MALRD1: variants seen among roughly 807,000 people sequenced by gnomAD.
MALRD1 encodes MAM and LDL receptor class A domain containing 1, also known as MAM and LDL-receptor class A domain-containing protein 1.
In MALRD1, 247 loss-of-function variants were observed where a neutral mutation model predicts 242.1. That is an observed-to-expected ratio of 1.02 (90% CI 0.92 to 1.13). The LOEUF (loss-of-function observed/expected upper bound fraction) is 1.13, where lower values mean the gene tolerates loss of function less well. Ranked by LOEUF, MALRD1 falls within the 50% of genes most tolerant of loss-of-function variation. The pLI is 0.00. For synonymous variants in MALRD1, 995 were observed against 866.6 expected (o/e 1.15, Z -2.60); for missense variants, 2,989 against 2,533.1 (o/e 1.18, Z -3.86).
At chr10:19,157,530 A>G in intron 12 of MALRD1, among the ~76,000 whole-genome samples, 1 of 152,072 alleles carries the variant, frequency 6.6e-6, no homozygotes, top group Non-Finnish European at 1.5e-5. Context: ...TACAGGCGTG[A>G]GCCACCGCAC....
chr10:19,238,582 T>TTA (rs1214863185), intron 18 of MALRD1, among the ~76,000 whole-genome samples: 22 of 78,490 alleles, frequency 2.8e-4, no homozygotes, highest in East Asian at 9.6e-4. Flanking sequence ...ATAATGTATA[T>TTA]TATATATATA....
chr10:19,272,724 T>G (rs1185749990), intron 19 of MALRD1, among the ~76,000 whole-genome samples: 1 of 152,052 alleles, frequency 6.6e-6, no homozygotes, highest in East Asian at 1.9e-4. Context: ...AATATTCCCC[T>G]CCTTGTGTCC....
intron 36 of MALRD1, among the ~76,000 whole-genome samples, chr10:19,649,659 T>C (rs192138045): frequency 6.6e-6 from 1 of 152,296 alleles, no homozygotes; most frequent in Admixed American, 6.5e-5. Context: ...TTTGCAAATA[T>C]TTTCTCCCAT....
intron 21 of MALRD1, among the ~76,000 whole-genome samples, chr10:19,302,429 G>A (rs1486558730): frequency 2.0e-5 from 3 of 151,756 alleles, no homozygotes; most frequent in African/African-American, 4.8e-5. Flanking sequence ...TGTTATATCC[G>A]TATAAGGAAA....
intron 28 of MALRD1, among the ~76,000 whole-genome samples, chr10:19,400,734 G>A (rs1846800067): frequency 6.6e-6 from 1 of 152,132 alleles, no homozygotes; most frequent in East Asian, 1.9e-4. Flanking sequence ...AGAAGAAAGA[G>A]GCCAGGTGTG....
At chr10:19,368,955 A>G (rs1465208925) in intron 26 of MALRD1, among the ~76,000 whole-genome samples, 2 of 148,780 alleles carry the variant, frequency 1.3e-5, no homozygotes, top group Non-Finnish European at 3.0e-5. Flanking sequence ...TAAATAATAT[A>G]TCAGTAATAT....
chr10:19,427,197 A>G (rs1417223498), intron 28 of MALRD1, among the ~76,000 whole-genome samples: 1 of 152,132 alleles, frequency 6.6e-6, no homozygotes, highest in Non-Finnish European at 1.5e-5. Context: ...TTCTTTGTAA[A>G]TGTCTTACCA....
chr10:19,047,063 C>T (rs777666834), upstream of MALRD1, among the ~76,000 whole-genome samples: 1 of 152,114 alleles, frequency 6.6e-6, no homozygotes, highest in Middle Eastern at 3.2e-3. Context: ...TGGATTTGTG[C>T]TTTAGAATGA....
At chr10:19,111,537 C>T (rs910775125) in intron 5 of MALRD1, among the ~76,000 whole-genome samples, 7 of 152,170 alleles carry the variant, frequency 4.6e-5, no homozygotes, top group African/African-American at 7.2e-5. Context: ...AGTAGACCTA[C>T]ACGTATGACA....
chr10:19,450,412 A>C lies in MALRD1; in HGVS notation c.4951A>C (p.Ile1651Leu). ...AGGAAAGTTAAGGAATTTTGAAGTC[A>C]TATTTCAAGGTATCAGAACAAGGGA... ...LLGKLRNFEV[I>L]FQGIRTRDLG... The change falls in exon 29 of 40, where the codon ATA (isoleucine) becomes CTA (leucine). Residue 1651 changes from isoleucine (I) to leucine (L), a missense_variant. Coordinates refer to ENST00000454679, the MANE Select transcript of MALRD1 (RefSeq NM_001142308.3). 1 of 1,550,586 alleles carries C rather than the reference A, an allele frequency of 6.4e-7. No individual in the cohort carries two copies. Among genetic ancestry groups the C allele is most frequent in the Non-Finnish European group, 8.7e-7 (1 of 1,146,960 alleles).
chr10:19,303,138 TA>T (rs1158866768), intron 21 of MALRD1, among the ~76,000 whole-genome samples: 6 of 151,488 alleles, frequency 4.0e-5, no homozygotes, highest in Non-Finnish European at 5.9e-5. Context: ...GTATGGTACT[TA>T]AAAAATAAAC....
In MALRD1 at chr10:19,418,274, C is replaced by A. The variant is rs577786937; in HGVS notation, c.4845+28665C>A. Among the ~76,000 whole-genome samples, 29 of 151,870 alleles carry A rather than the reference C, an allele frequency of 1.9e-4. No homozygotes were observed. The South Asian group carries it at 3.3e-3, about 17-fold the overall frequency. Reference sequence around the variant, plus strand: ...ATCAAATATGCACCATTCCCCCCCACGCCCCCAACAAATACACATTGCTTT... The same window carrying A: ...ATCAAATATGCACCATTCCCCCCCAAGCCCCCAACAAATACACATTGCTTT... On this transcript the variant is annotated intron_variant, in intron 28 of 39. Transcript: ENST00000454679.
At chr10:19,143,610 A>T (rs1013461792) in intron 10 of MALRD1, among the ~76,000 whole-genome samples, 6 of 152,236 alleles carry the variant, frequency 3.9e-5, no homozygotes, top group African/African-American at 1.2e-4. Flanking sequence ...CAGGCAAGAC[A>T]TGTGGTCACT....
At chr10:19,348,097 C>T (rs1844212430) in intron 25 of MALRD1, 79 bp downstream of exon 25, 1 of 1,466,302 alleles carries the variant, frequency 6.8e-7, no homozygotes, top group Admixed American at 2.4e-5. Flanking sequence ...ATACGGAAAA[C>T]AGAGTGGCTG....
intron 19 of MALRD1, among the ~76,000 whole-genome samples, chr10:19,262,820 C>G (rs1013407055): frequency 6.6e-6 from 1 of 152,158 alleles, no homozygotes; most frequent in African/African-American, 2.4e-5. Flanking sequence ...CCTCTGCTAA[C>G]TACCTCTGTA....
chr10:19,069,056 A>G (rs1228890848), intron 2 of MALRD1, among the ~76,000 whole-genome samples: 1 of 152,140 alleles, frequency 6.6e-6, no homozygotes, highest in Non-Finnish European at 1.5e-5. Context: ...AAAGATGGGA[A>G]TGCAAATATG....
chr10:19,252,908 A>G (rs995083583), intron 18 of MALRD1, among the ~76,000 whole-genome samples: 1 of 152,018 alleles, frequency 6.6e-6, no homozygotes, highest in Non-Finnish European at 1.5e-5. Context: ...ATGATTTAAA[A>G]ACCCTTTTAT....
intron 13 of MALRD1, 108 bp downstream of exon 13, chr10:19,165,918 A>G: frequency 2.5e-6 from 2 of 795,468 alleles, no homozygotes; most frequent in Non-Finnish European, 3.4e-6. Flanking sequence ...AGGTGAGCAC[A>G]TATGAAATTA....
chr10:19,603,562 T>A (rs1342435843), intron 34 of MALRD1, among the ~76,000 whole-genome samples: 1 of 152,174 alleles, frequency 6.6e-6, no homozygotes, highest in African/African-American at 2.4e-5. Context: ...TATCTCTGTT[T>A]TGGTACCAGT....
Sources: gnomAD v4.1 joint callset for allele counts (sites outside exome capture counted in the v4.1 genomes callset) on GRCh38, gnomAD v4.1.1 for gene constraint, MANE v1.5 for transcripts, NCBI Gene and HGNC (gene_info 2026-07-23, HGNC 2026-07-21) for gene names.